The following GRM3 variants were observed in gnomAD, a reference collection of about 807,000 sequenced individuals.
GRM3 encodes glutamate metabotropic receptor 3.
In GRM3, 26 loss-of-function variants were observed where a neutral mutation model predicts 70.5. The observed-to-expected ratio is 0.37, with a 90% confidence interval of 0.27 to 0.51. The LOEUF (loss-of-function observed/expected upper bound fraction) is 0.51. Ranked by LOEUF, GRM3 falls within the 20% of genes least tolerant of loss-of-function variation. GRM3 has a pLI of 0.93. For missense variants in GRM3, 859 were observed against 1,123.8 expected (o/e 0.76, Z 3.37); for synonymous variants, 443 against 434.9 (o/e 1.02, Z -0.23).
chr7:86,720,548 G>A (rs976034034), intron 1 of GRM3, among the ~76,000 whole-genome samples: 4 of 152,062 alleles, frequency 2.6e-5, no homozygotes, highest in Admixed American at 1.3e-4. Flanking sequence ...AAGTTAGAGA[G>A]GCAATAGCCT....
In GRM3 at chr7:86,786,608, G is replaced by A. The variant is rs753611025; in HGVS notation, c.816G>A (p.Val272=). ...TGCAGAAGCCCAACGCGCGCGTCGT[G>A]GTCCTCTTCATGCGCAGCGACGACT... is the stretch of plus-strand genomic sequence containing the variant. ...ELLQKPNARV[V]VLFMRSDDSR... is the part of the protein sequence containing the mutation. The change falls in exon 3 of 6, where the codon GTG becomes GTA. Residue 272 remains valine, a synonymous_variant. Coordinates refer to ENST00000361669, the MANE Select transcript of GRM3 (RefSeq NM_000840.3). This position sits in a 1 kb window ranked among gnomAD's most constrained non-coding sequence, Gnocchi z 6.0. 6.2e-7 allele frequency: 1 copy of A among 1,613,394 alleles called. No individual in the cohort carries two copies. The highest frequency in any genetic ancestry group is 8.5e-7 in the Non-Finnish European group (1 of 1,180,016).
rs1019385107 is a variant in GRM3, at chr7:86,839,126, G to A, written c.1612G>A (p.Glu538Lys). Residue 538 changes from glutamate to lysine, a missense_variant, in exon 4 of 6, where the codon GAA becomes AAA. Coordinates refer to ENST00000361669, the MANE Select transcript of GRM3 (RefSeq NM_000840.3). This position sits in a 1 kb window ranked among gnomAD's most constrained non-coding sequence, Gnocchi z 4.5. ...CWICIPCEPY[E>K]YLADEFTCMD... is the part of the protein sequence containing the mutation. ...GATTTGCATCCCCTGTGAACCCTAC[G>A]AATACCTGGCTGATGAGTTTACCTG... 6.2e-6 allele frequency: 10 copies of A among 1,613,936 alleles called. No homozygotes were observed. Among genetic ancestry groups the A allele is most frequent in the Non-Finnish European group, 8.5e-6 (10 of 1,179,974 alleles).
chr7:86,762,845 C>G (rs1796513709), intron 1 of GRM3, among the ~76,000 whole-genome samples: 1 of 152,082 alleles, frequency 6.6e-6, no homozygotes, highest in Admixed American at 6.6e-5. Context: ...CATCAACACC[C>G]TAAACACCTA....
intron 1 of GRM3, among the ~76,000 whole-genome samples, chr7:86,700,629 T>C (rs1384991284): frequency 6.6e-6 from 1 of 151,968 alleles, no homozygotes; most frequent in African/African-American, 2.4e-5. Context: ...ACAGTTATCT[T>C]AGTTATGTCC....
At chr7:86,654,595 C>T (rs1793688168) in intron 1 of GRM3, among the ~76,000 whole-genome samples, 1 of 152,178 alleles carries the variant, frequency 6.6e-6, no homozygotes, top group Non-Finnish European at 1.5e-5. Flanking sequence ...TTTCTCCATA[C>T]AATCATTCAA....
At chr7:86,815,578 T>C (rs959870874) in intron 3 of GRM3, among the ~76,000 whole-genome samples, 3 of 151,950 alleles carry the variant, frequency 2.0e-5, no homozygotes, top group African/African-American at 7.2e-5. Flanking sequence ...TTCATATTAC[T>C]ATTCTCCTTT....
intron 5 of GRM3, among the ~76,000 whole-genome samples, chr7:86,861,205 T>C (rs575971416): frequency 3.9e-5 from 6 of 152,312 alleles, no homozygotes; most frequent in Admixed American, 6.5e-5. Context: ...AGGCTGCCCA[T>C]AGGCTTCATG....
chr7:86,839,122 C>T lies in GRM3; in HGVS notation c.1608C>T (p.Pro536=), dbSNP rs1798512870. 5.0e-6 allele frequency: 8 copies of T among 1,613,982 alleles called. No homozygotes were observed. The highest frequency in any genetic ancestry group is 6.8e-6 in the Non-Finnish European group (8 of 1,179,980). The change falls in exon 4 of 6, where the codon CCC becomes CCT. Residue 536 remains proline (P), a synonymous_variant. Transcript: ENST00000361669. The surrounding 1 kb of genome is among the most constrained non-coding windows in gnomAD (Gnocchi z 4.5). ...VCCWICIPCE[P]YEYLADEFTC... ...GCTGGATTTGCATCCCCTGTGAACC[C>T]TACGAATACCTGGCTGATGAGTTTA...
chr7:86,797,740 T>C (rs1401887687), intron 3 of GRM3, among the ~76,000 whole-genome samples: 1 of 152,140 alleles, frequency 6.6e-6, no homozygotes, highest in Admixed American at 6.5e-5. Context: ...TGGGAAAATA[T>C]CTCCAGGACA....
At chr7:86,847,962 C>T (rs1798687134) in intron 4 of GRM3, among the ~76,000 whole-genome samples, 1 of 152,062 alleles carries the variant, frequency 6.6e-6, no homozygotes, top group Admixed American at 6.6e-5. Context: ...GTGCTCCTTC[C>T]ATTATCTCTT....
chr7:86,769,684 T>C (rs149594106), intron 2 of GRM3, among the ~76,000 whole-genome samples: 52 of 152,306 alleles, frequency 3.4e-4, no homozygotes, highest in African/African-American at 1.2e-3. Flanking sequence ...GAATTCTTAA[T>C]GACTTGCTGG....
chr7:86,692,737 T>A (rs562217525), intron 1 of GRM3, among the ~76,000 whole-genome samples: 6 of 152,334 alleles, frequency 3.9e-5, no homozygotes, highest in African/African-American at 9.6e-5. Flanking sequence ...ACTAGGCACA[T>A]AAAATATTTT....
At chr7:86,806,466 T>C (rs1379185307) in intron 3 of GRM3, among the ~76,000 whole-genome samples, 8 of 152,200 alleles carry the variant, frequency 5.3e-5, no homozygotes, top group Non-Finnish European at 7.4e-5. Context: ...TGGTATCTCA[T>C]TGTGGTTTTG....
At chr7:86,648,370 A>G (rs1027627287) in intron 1 of GRM3, among the ~76,000 whole-genome samples, 6 of 152,210 alleles carry the variant, frequency 3.9e-5, no homozygotes, top group Non-Finnish European at 5.9e-5. Flanking sequence ...CAACGCCCAC[A>G]CTACAAGGGA....
At chr7:86,670,114 A>C (rs1794133350) in intron 1 of GRM3, among the ~76,000 whole-genome samples, 2 of 152,284 alleles carry the variant, frequency 1.3e-5, no homozygotes. Flanking sequence ...TCCTTAATGT[A>C]AGTATTTTAC....
chr7:86,699,708 G>A (rs115124106), intron 1 of GRM3, among the ~76,000 whole-genome samples: 1,952 of 152,056 alleles, frequency 0.013, 35 homozygotes, highest in African/African-American at 0.045. Context: ...ACCGATCTCA[G>A]TACAGATTTC....
intron 1 of GRM3, among the ~76,000 whole-genome samples, chr7:86,687,022 G>A (rs758728361): frequency 1.3e-5 from 2 of 151,756 alleles, no homozygotes; most frequent in Non-Finnish European, 2.9e-5. Context: ...ATAATTTAGT[G>A]AACTAAAGAC....
Position 86,786,798 on chromosome 7 carries a change from T to C in GRM3, c.1006T>C (p.Tyr336His). ...CCAGCCTGTCCGCCAGTTCGACCGC[T>C]ACTTCCAGAGCCTCAACCCCTACAA... is the stretch of plus-strand genomic sequence containing the variant. Reference protein sequence around the residue: ...ASQPVRQFDRYFQSLNPYNNH... With the variant: ...ASQPVRQFDRHFQSLNPYNNH... The change falls in exon 3 of 6, where the codon TAC becomes CAC. Residue 336 changes from tyrosine to histidine, a missense_variant. By Grantham distance (83) the Tyr-to-His change is moderately conservative. Coordinates refer to ENST00000361669, the MANE Select transcript of GRM3 (RefSeq NM_000840.3). This position sits in a 1 kb window ranked among gnomAD's most constrained non-coding sequence, Gnocchi z 6.0. 1 of 1,614,202 alleles carries C rather than the reference T, an allele frequency of 6.2e-7. No individual in the cohort carries two copies. The highest frequency in any genetic ancestry group is 8.5e-7 in the Non-Finnish European group (1 of 1,180,016).
At chr7:86,719,404 G>T (rs994644938) in intron 1 of GRM3, among the ~76,000 whole-genome samples, 1 of 151,910 alleles carries the variant, frequency 6.6e-6, no homozygotes, top group Admixed American at 6.6e-5. Context: ...GGCATATAAA[G>T]ATAAGTCACA....
Sources: allele counts gnomAD v4.1 joint callset (sites outside exome capture counted in the v4.1 genomes callset), GRCh38; gene constraint gnomAD v4.1.1; non-coding constraint Gnocchi (gnomAD v3.1); transcripts MANE v1.5; gene names NCBI Gene and HGNC (gene_info 2026-07-23, HGNC 2026-07-21).